TMEM132D: variants seen among roughly 807,000 people sequenced by gnomAD.
The protein encoded by TMEM132D is transmembrane protein 132D, also known as mature OL transmembrane protein.
A neutral mutation model predicts 62.3 loss-of-function variants in TMEM132D; 21 were observed. That is an observed-to-expected ratio of 0.34 (90% confidence interval 0.24 to 0.49). The LOEUF is 0.49. TMEM132D is among the 20% of genes least tolerant of loss of function. The probability of loss-of-function intolerance (pLI) is 0.99; values close to 1 mark genes in which losing one functional copy is unlikely to be tolerated. For synonymous variants in TMEM132D, 621 were observed against 575.6 expected, an observed-to-expected ratio of 1.08 and a Z score of -1.13; for missense variants, 1,346 against 1,402.8, an observed-to-expected ratio of 0.96 and a Z score of 0.65.
intron 1 of TMEM132D, among the ~76,000 whole-genome samples, chr12:129,759,493 C>T (rs927510409): frequency 6.6e-6 from 1 of 152,162 alleles, no homozygotes. Context: ...CACTTAGTCA[C>T]CATGGGAAGA....
intron 5 of TMEM132D, among the ~76,000 whole-genome samples, chr12:129,163,132 G>A (rs555026724): frequency 2.8e-4 from 42 of 152,332 alleles, no homozygotes; most frequent in Non-Finnish European, 1.9e-4. Context: ...GCTTTGTACA[G>A]AAGATTCTAG....
At chr12:129,792,888 AAAG>A (rs1165736639) in intron 1 of TMEM132D, among the ~76,000 whole-genome samples, 1 of 152,142 alleles carries the variant, frequency 6.6e-6, no homozygotes, top group African/African-American at 2.4e-5. Flanking sequence ...CACAGAATAA[AAAG>A]AAGAAAATTA....
rs1874165345 is a variant in TMEM132D at position 129,074,094 on chromosome 12, C to T, written c.3081G>A (p.Gly1027=). The T allele has an allele frequency of 1.2e-6, 2 of 1,614,042 alleles. No homozygotes were observed. The highest frequency in any genetic ancestry group is 1.1e-5 in the South Asian group (1 of 91,066). ...TTGGGGGCTCACTTTTCTGATCTTT[C>T]CCATCAATGATGATGGGTCCCAAAG... ...FKPLGPIIID[G]KDQKSEPPTS... is the part of the protein sequence containing the mutation. Residue 1027 remains glycine (G), a synonymous_variant, in exon 9 of 9, where the codon GGG becomes GGA. Coordinates refer to ENST00000422113, the MANE Select transcript of TMEM132D (RefSeq NM_133448.3).
At chr12:129,812,486 T>A (rs1201237554) in intron 1 of TMEM132D, among the ~76,000 whole-genome samples, 1 of 151,836 alleles carries the variant, frequency 6.6e-6, no homozygotes, top group Non-Finnish European at 1.5e-5. Context: ...TTTGGCAAAC[T>A]TCTCTAAGAA....
intron 5 of TMEM132D, among the ~76,000 whole-genome samples, chr12:129,112,360 C>A (rs1235543207): frequency 6.6e-6 from 1 of 152,166 alleles, no homozygotes; most frequent in Non-Finnish European, 1.5e-5. Flanking sequence ...TCTATAATTT[C>A]AAATTAATTA....
chr12:129,781,019 T>C (rs1252746529), intron 1 of TMEM132D, among the ~76,000 whole-genome samples: 1 of 152,236 alleles, frequency 6.6e-6, no homozygotes, highest in African/African-American at 2.4e-5. Flanking sequence ...TGACAGCAGC[T>C]TGAGCTCTGT....
rs549159881 is a variant in TMEM132D, at chr12:129,567,627, G to A, written c.969-36422C>T. On this transcript the variant is annotated intron_variant, in intron 2 of 8. Coordinates refer to ENST00000422113, the MANE Select transcript of TMEM132D (RefSeq NM_133448.3). ...TAAGTCAGACATTAAAGACATTTACGAAATTGTAAACAGTACCACCTTTCA... is the reference window on the plus strand; with the variant it reads ...TAAGTCAGACATTAAAGACATTTACAAAATTGTAAACAGTACCACCTTTCA... 1.6e-3 allele frequency among the ~76,000 whole-genome samples: 236 copies of A among 152,220 alleles called. 2 individuals carry two copies. Among genetic ancestry groups the A allele is most frequent in the Middle Eastern group, 0.01 (3 of 294 alleles).
At chr12:129,884,939 T>C (rs1019640951) in intron 1 of TMEM132D, among the ~76,000 whole-genome samples, 17 of 152,100 alleles carry the variant, frequency 1.1e-4, no homozygotes. Context: ...TACTACTCAG[T>C]AATAAAAAGA....
intron 4 of TMEM132D, among the ~76,000 whole-genome samples, chr12:129,320,197 A>G (rs1304972992): frequency 6.6e-6 from 1 of 152,188 alleles, no homozygotes; most frequent in Non-Finnish European, 1.5e-5. Flanking sequence ...TTGTCAATCC[A>G]TACCTGGAAC....
intron 4 of TMEM132D, among the ~76,000 whole-genome samples, chr12:129,296,889 A>G (rs1455696171): frequency 6.6e-6 from 1 of 152,200 alleles, no homozygotes; most frequent in African/African-American, 2.4e-5. Context: ...GACATTGCTC[A>G]CTGTTGCCAG....
chr12:129,699,182 T>A (rs186796944), intron 2 of TMEM132D, among the ~76,000 whole-genome samples: 1 of 152,342 alleles, frequency 6.6e-6, no homozygotes. Context: ...CCTATATTTA[T>A]TCTAAAGTAC....
intron 3 of TMEM132D, among the ~76,000 whole-genome samples, chr12:129,405,502 G>A (rs1226929826): frequency 6.6e-6 from 1 of 152,182 alleles, no homozygotes; most frequent in Admixed American, 6.5e-5. Flanking sequence ...CTGCTGTGGG[G>A]CAAGCAGGCT....
intron 1 of TMEM132D, among the ~76,000 whole-genome samples, chr12:129,832,267 A>T (rs1872867409): frequency 6.6e-6 from 1 of 151,440 alleles, no homozygotes; most frequent in Non-Finnish European, 1.5e-5. Context: ...AAGGAGAGGA[A>T]AAAGGGGGAG....
intron 2 of TMEM132D, among the ~76,000 whole-genome samples, chr12:129,592,824 G>A (rs915341776): frequency 2.0e-5 from 3 of 151,916 alleles, no homozygotes; most frequent in African/African-American, 7.3e-5. Context: ...AGAAGATGCA[G>A]ACAAAGGACA....
At chr12:129,572,852 T>C (rs1339139172) in intron 2 of TMEM132D, among the ~76,000 whole-genome samples, 1 of 152,118 alleles carries the variant, frequency 6.6e-6, no homozygotes, top group Admixed American at 6.6e-5. Context: ...AAAGCCAATT[T>C]CGTGGCTTTC....
intron 3 of TMEM132D, among the ~76,000 whole-genome samples, chr12:129,353,006 T>C (rs1352399557): frequency 6.6e-6 from 1 of 152,194 alleles, no homozygotes; most frequent in Non-Finnish European, 1.5e-5. Flanking sequence ...AATTCTTTCT[T>C]GTGCAAGATC....
intron 3 of TMEM132D, among the ~76,000 whole-genome samples, chr12:129,514,127 C>G (rs974200664): frequency 6.6e-6 from 1 of 152,072 alleles, no homozygotes; most frequent in Non-Finnish European, 1.5e-5. Context: ...GCGTGAGCCA[C>G]CGAGCCCGGC....
At chr12:129,383,738 C>A (rs1566051777) in intron 3 of TMEM132D, among the ~76,000 whole-genome samples, 2 of 152,200 alleles carry the variant, frequency 1.3e-5, no homozygotes, top group African/African-American at 4.8e-5. Flanking sequence ...CATGCCTGGC[C>A]TCTAGGTAAC....
intron 4 of TMEM132D, among the ~76,000 whole-genome samples, chr12:129,215,087 G>C (rs971806965): frequency 6.6e-6 from 1 of 152,162 alleles, no homozygotes; most frequent in Non-Finnish European, 1.5e-5. Context: ...AGACTGGATA[G>C]AGAAAATGTG....
Sources: allele counts gnomAD v4.1 joint callset (sites outside exome capture counted in the v4.1 genomes callset), GRCh38; gene constraint gnomAD v4.1.1; transcripts MANE v1.5; gene names NCBI Gene and HGNC (gene_info 2026-07-23, HGNC 2026-07-21).